GRM8: variants seen among roughly 807,000 people sequenced by gnomAD.
The protein encoded by GRM8 is metabotropic glutamate receptor 8.
GRM8 carries 47 observed loss-of-function variants against 87.2 expected under a neutral mutation model. The ratio of observed to expected loss-of-function variants is 0.54; its 90% CI spans 0.43 to 0.69. The LOEUF is 0.69. Among genes scored for constraint, GRM8 ranks in the 30% least tolerant of loss-of-function variants. GRM8 has a pLI of 0.00. For synonymous variants in GRM8, 396 were observed against 404.5 expected, an observed-to-expected ratio of 0.98 and a Z score of 0.25; for missense variants, 1,019 against 1,139.2, an observed-to-expected ratio of 0.89 and a Z score of 1.52.
intron 2 of GRM8, among the ~76,000 whole-genome samples, chr7:127,197,238 T>A (rs1374670055): frequency 2.0e-5 from 3 of 152,250 alleles, no homozygotes; most frequent in Non-Finnish European, 4.4e-5. Context: ...GGGCTTCTAA[T>A]CTACTTTTTA....
chr7:126,510,128 C>T (rs868533364), intron 9 of GRM8, among the ~76,000 whole-genome samples: 2 of 152,082 alleles, frequency 1.3e-5, no homozygotes, highest in South Asian at 4.1e-4. Context: ...TTGCGGCATG[C>T]TTTTAATCTA....
chr7:126,950,345 T>A (rs1373381351), intron 3 of GRM8, among the ~76,000 whole-genome samples: 2 of 152,200 alleles, frequency 1.3e-5, no homozygotes, highest in African/African-American at 4.8e-5. Context: ...AATATAACAT[T>A]CTGTTTAAAT....
At chr7:126,814,909 C>T (rs1793639308) in intron 6 of GRM8, among the ~76,000 whole-genome samples, 1 of 152,092 alleles carries the variant, frequency 6.6e-6, no homozygotes, top group African/African-American at 2.4e-5. Flanking sequence ...GACATTTCCA[C>T]TTGTACCTAC....
chr7:126,575,734 T>TA (rs1245748015), intron 8 of GRM8, among the ~76,000 whole-genome samples: 1 of 152,206 alleles, frequency 6.6e-6, no homozygotes, highest in Non-Finnish European at 1.5e-5. Context: ...AAGCCTGTGA[T>TA]ACTCTCGCAT....
intron 3 of GRM8, among the ~76,000 whole-genome samples, chr7:127,069,901 G>A (rs978592470): frequency 5.3e-5 from 8 of 152,096 alleles, no homozygotes; most frequent in African/African-American, 1.4e-4. Context: ...AATAGCAAAC[G>A]TAGAATGCTA....
At chr7:126,743,803 C>A (rs35456895) in intron 7 of GRM8, among the ~76,000 whole-genome samples, 66,467 of 151,786 alleles carry the variant, frequency 0.44, 15,081 homozygotes, top group Non-Finnish European at 0.48. Flanking sequence ...AGGGGGCCCC[C>A]AGACCCTTTC....
At chr7:127,001,662 T>C (rs567055631) in intron 3 of GRM8, among the ~76,000 whole-genome samples, 32 of 151,632 alleles carry the variant, frequency 2.1e-4, no homozygotes, top group Non-Finnish European at 4.1e-4. Context: ...CAGATTCTTA[T>C]AACGTTGAAC....
intron 2 of GRM8, among the ~76,000 whole-genome samples, chr7:127,144,409 C>A (rs928253011): frequency 6.6e-6 from 1 of 152,050 alleles, no homozygotes; most frequent in African/African-American, 2.4e-5. Flanking sequence ...TGGGAAAGCA[C>A]TACCCTTCAT....
At chr7:126,625,560 C>G (rs1239559585) in intron 7 of GRM8, among the ~76,000 whole-genome samples, 1 of 151,956 alleles carries the variant, frequency 6.6e-6, no homozygotes, top group African/African-American at 2.4e-5. Context: ...CTTCATGATC[C>G]TTGGATAAAA....
At chr7:126,532,786 T>C (rs1373454545) in intron 9 of GRM8, among the ~76,000 whole-genome samples, 166 bp downstream of exon 9, 1 of 15,774 alleles carries the variant, frequency 6.3e-5, no homozygotes, top group African/African-American at 2.1e-4. Context: ...TATATATATA[T>C]ATATATATAT....
chr7:126,482,019 AAGAAG>A (rs1048421750), intron 9 of GRM8, among the ~76,000 whole-genome samples: 79 of 152,054 alleles, frequency 5.2e-4, no homozygotes, highest in African/African-American at 1.9e-3. Context: ...CAATTCTTCA[AAGAAG>A]ATTATGAATG....
intron 3 of GRM8, among the ~76,000 whole-genome samples, chr7:126,989,590 G>A (rs946623766): frequency 1.3e-5 from 2 of 151,992 alleles, no homozygotes; most frequent in Admixed American, 6.6e-5. Flanking sequence ...ACCCTGACAC[G>A]CACTACTGTA....
intron 8 of GRM8, among the ~76,000 whole-genome samples, chr7:126,537,799 C>CAAAA (rs1051276754): frequency 1.3e-5 from 2 of 151,184 alleles, no homozygotes; most frequent in Non-Finnish European, 3.0e-5. Context: ...AACAAACAAA[C>CAAAA]AAAAAAAACA....
intron 3 of GRM8, among the ~76,000 whole-genome samples, chr7:126,958,894 A>G (rs961231531): frequency 1.3e-5 from 2 of 152,240 alleles, no homozygotes; most frequent in African/African-American, 4.8e-5. Flanking sequence ...TTTATTTCAT[A>G]TATAAGTACA....
At chr7:126,588,748 C>T (rs1345781896) in intron 8 of GRM8, among the ~76,000 whole-genome samples, 1 of 152,030 alleles carries the variant, frequency 6.6e-6, no homozygotes, top group African/African-American at 2.4e-5. Context: ...ATCCACAGAC[C>T]CTTTGAAGGA....
At chr7:126,439,468 T>C (rs1469389718) in intron 10 of GRM8, among the ~76,000 whole-genome samples, 1 of 152,124 alleles carries the variant, frequency 6.6e-6, no homozygotes, top group Non-Finnish European at 1.5e-5. Context: ...CACATGTTTG[T>C]GGTTTGTTGT....
At chr7:126,690,445 C>T (rs1339572890) in intron 7 of GRM8, among the ~76,000 whole-genome samples, 3 of 152,208 alleles carry the variant, frequency 2.0e-5, no homozygotes, top group Admixed American at 1.3e-4. Flanking sequence ...GCAGTTTCCA[C>T]GGCTGGCACT....
intron 3 of GRM8, among the ~76,000 whole-genome samples, chr7:126,989,276 C>T (rs960592023): frequency 1.3e-5 from 2 of 152,136 alleles, no homozygotes; most frequent in Admixed American, 6.5e-5. Flanking sequence ...TTCTCTTAAT[C>T]TTTTATCACT....
chr7:126,636,748 A>C (rs66619230), intron 7 of GRM8, among the ~76,000 whole-genome samples: 9 of 151,814 alleles, frequency 5.9e-5, no homozygotes, highest in Non-Finnish European at 1.3e-4. Flanking sequence ...CTTATACCCT[A>C]ACTAAATTCA....
Sources: allele counts gnomAD v4.1 joint callset (sites outside exome capture counted in the v4.1 genomes callset), GRCh38; gene constraint gnomAD v4.1.1; transcripts MANE v1.5; gene names NCBI Gene and HGNC (gene_info 2026-07-23, HGNC 2026-07-21).